RIMBP2: variants seen among roughly 807,000 people sequenced by gnomAD.
The protein encoded by RIMBP2 is RIMS-binding protein 2.
Under a neutral mutation model 118.6 loss-of-function variants are expected in RIMBP2, and 48 were observed. The observed-to-expected ratio is 0.40, with a 90% CI of 0.32 to 0.51. The LOEUF is 0.51. Ranked by LOEUF, RIMBP2 falls within the 20% of genes least tolerant of loss-of-function variation. The pLI, the probability that RIMBP2 is intolerant of heterozygous loss-of-function variation, is 0.41. For synonymous variants in RIMBP2, 762 were observed against 742.9 expected (o/e 1.03, Z -0.42); for missense variants, 1,551 against 1,768.3 (o/e 0.88, Z 2.20).
chr12:130,524,513 T>TG (rs1287519554), intron 2 of RIMBP2, among the ~76,000 whole-genome samples: 1 of 152,114 alleles, frequency 6.6e-6, no homozygotes, highest in Non-Finnish European at 1.5e-5. Flanking sequence ...GGACAGGCAC[T>TG]GGGGGTAGCA....
At chr12:130,588,066 G>C (rs563765674) in intron 2 of RIMBP2, among the ~76,000 whole-genome samples, 2 of 152,054 alleles carry the variant, frequency 1.3e-5, no homozygotes, top group South Asian at 4.2e-4. Context: ...CTGCTCCTGA[G>C]CCTTGGAACC....
chr12:130,491,912 CTGCCTACAAATGTCAGGG>C (rs1212850113), intron 4 of RIMBP2, among the ~76,000 whole-genome samples: 1 of 152,234 alleles, frequency 6.6e-6, no homozygotes, highest in Non-Finnish European at 1.5e-5. Context: ...AGCACTTAAG[CTGCCTACAAATGTCAGGG>C]TGCCGCTATC....
intron 1 of RIMBP2, among the ~76,000 whole-genome samples, chr12:130,648,440 C>A (rs1419456784): frequency 1.4e-5 from 2 of 145,382 alleles, no homozygotes; most frequent in Non-Finnish European, 3.1e-5. Flanking sequence ...AAAATAAAAA[C>A]TTCGTAATAT....
intron 4 of RIMBP2, among the ~76,000 whole-genome samples, chr12:130,480,977 C>T (rs1164263743): frequency 1.3e-5 from 2 of 152,218 alleles, no homozygotes; most frequent in African/African-American, 2.4e-5. Context: ...CGGACACACG[C>T]GTCCAAGAGA....
intron 18 of RIMBP2, among the ~76,000 whole-genome samples, chr12:130,413,585 A>G (rs915162181): frequency 2.2e-5 from 3 of 139,508 alleles, no homozygotes; most frequent in Non-Finnish European, 3.1e-5. Context: ...GTGAGCTGAG[A>G]TGGTGCCACT....
intron 6 of RIMBP2, among the ~76,000 whole-genome samples, chr12:130,467,848 G>A (rs143894463): frequency 2.0e-5 from 3 of 152,294 alleles, no homozygotes; most frequent in African/African-American, 7.2e-5. Flanking sequence ...ACCTCCCGAG[G>A]CTGTGTCACA....
rs188750396 is a variant in RIMBP2, at chr12:130,409,916, G to A, written c.3590-2087C>T. ...CTTTCTTCTGAGTAAGTGTATAAGA[G>A]GGAAGTTGTTGGATTGTATTGTAAG... is the stretch of plus-strand genomic sequence containing the variant. On this transcript the variant is annotated intron_variant, in intron 19 of 22. Transcript: ENST00000690449. Among the ~76,000 whole-genome samples, 480 of 152,342 alleles carry A rather than the reference G, an allele frequency of 3.2e-3. 3 individuals carry two copies. Among genetic ancestry groups the A allele is most frequent in the African/African-American group, 0.011 (458 of 41,580 alleles).
At chr12:130,541,637 T>C (rs1201149378) in intron 2 of RIMBP2, among the ~76,000 whole-genome samples, 2 of 152,242 alleles carry the variant, frequency 1.3e-5, no homozygotes, top group Non-Finnish European at 2.9e-5. Flanking sequence ...CTATGATTTC[T>C]TTGCCAAGGG....
At chr12:130,616,232 A>G (rs7974363) in intron 2 of RIMBP2, among the ~76,000 whole-genome samples, 150,111 of 152,220 alleles carry the variant, frequency 0.99, 74,044 homozygotes, top group Middle Eastern at 1. Flanking sequence ...CACATGCCAC[A>G]TTCTGTCTCC....
In RIMBP2 at chr12:130,649,259, G is replaced by T. The variant is rs372667685; in HGVS notation, c.-351-20803C>A. Among the ~76,000 whole-genome samples the T allele has an allele frequency of 1.8e-5, 2 of 110,930 alleles. 1 individual carries two copies. Among genetic ancestry groups the T allele is most frequent in the Admixed American group, 1.8e-4 (2 of 10,970 alleles). The allele number at this position is 110,930 out of a possible 152,430, so 72.8% of individuals were successfully genotyped here. On this transcript the variant is annotated intron_variant, in intron 1 of 22. Coordinates refer to ENST00000690449, the MANE Select transcript of RIMBP2 (RefSeq NM_001393629.1). ...AGTAAGGCGCTGGAATGTGGGGCTTGCTGCGACGTACGTTTCTCTCCTCCT... is the reference window on the plus strand; with the variant it reads ...AGTAAGGCGCTGGAATGTGGGGCTTTCTGCGACGTACGTTTCTCTCCTCCT...
chr12:130,605,879 C>T (rs549151390), intron 2 of RIMBP2, among the ~76,000 whole-genome samples: 3 of 152,256 alleles, frequency 2.0e-5, no homozygotes, highest in African/African-American at 7.2e-5. Context: ...GCCTGATCTA[C>T]GTGGTAAAAC....
At chr12:130,404,943 TA>T (rs946035273) in intron 21 of RIMBP2, among the ~76,000 whole-genome samples, 3 of 152,298 alleles carry the variant, frequency 2.0e-5, no homozygotes, top group Non-Finnish European at 4.4e-5. Context: ...TTTTTATTAT[TA>T]AAAAATGATT....
At chr12:130,650,102 C>T (rs1313944911) in intron 1 of RIMBP2, among the ~76,000 whole-genome samples, 2 of 151,972 alleles carry the variant, frequency 1.3e-5, no homozygotes, top group South Asian at 2.1e-4. Flanking sequence ...AGTGGGGACT[C>T]GCAGGCAACC....
intron 2 of RIMBP2, among the ~76,000 whole-genome samples, chr12:130,567,416 G>C (rs1440447528): frequency 1.3e-5 from 2 of 152,226 alleles, no homozygotes; most frequent in Non-Finnish European, 2.9e-5. Flanking sequence ...CACCATGTTA[G>C]GATTGCGCTC....
chr12:130,684,278 G>C (rs1404616718), intron 1 of RIMBP2, among the ~76,000 whole-genome samples: 1 of 152,046 alleles, frequency 6.6e-6, no homozygotes, highest in Non-Finnish European at 1.5e-5. Flanking sequence ...CCAAATCAAC[G>C]TACATCTTAA....
chr12:130,559,987 A>C (rs2056683521), intron 2 of RIMBP2, among the ~76,000 whole-genome samples: 1 of 152,212 alleles, frequency 6.6e-6, no homozygotes, highest in Admixed American at 6.5e-5. Flanking sequence ...CAGTTTACAG[A>C]GAGGGAAACT....
intron 3 of RIMBP2, among the ~76,000 whole-genome samples, chr12:130,514,916 G>A (rs778625503): frequency 5.9e-5 from 9 of 152,102 alleles, no homozygotes; most frequent in East Asian, 1.9e-4. Context: ...TTGCTCTGTC[G>A]CCCAGGCTGG....
At chr12:130,615,300 T>TATATATATATATAC (rs1367996306) in intron 2 of RIMBP2, among the ~76,000 whole-genome samples, 13 of 140,842 alleles carry the variant, frequency 9.2e-5, no homozygotes, top group Admixed American at 7.2e-5. Context: ...TATATATGTG[T>TATATATATATATAC]ACACACAAAC....
intron 11 of RIMBP2, among the ~76,000 whole-genome samples, chr12:130,440,754 T>C (rs1009260390): frequency 6.6e-6 from 1 of 152,214 alleles, no homozygotes; most frequent in African/African-American, 2.4e-5. Flanking sequence ...CTGCCTACGT[T>C]AGCTGCTACC....
Sources: allele counts gnomAD v4.1 joint callset (sites outside exome capture counted in the v4.1 genomes callset), GRCh38; gene constraint gnomAD v4.1.1; transcripts MANE v1.5; gene names NCBI Gene and HGNC (gene_info 2026-07-23, HGNC 2026-07-21).